Variants in PBX3 observed in about 807,000 individuals in gnomAD.
The protein encoded by PBX3 is pre-B-cell leukemia transcription factor 3.
PBX3 carries 14 observed loss-of-function variants against 48.5 expected under a neutral mutation model. That is an observed-to-expected ratio of 0.29 (90% CI 0.19 to 0.45). PBX3 has a LOEUF of 0.45. Among genes scored for constraint, PBX3 ranks in the 20% least tolerant of loss-of-function variants. The pLI is 1.00. For synonymous variants in PBX3, 210 were observed against 200.3 expected (o/e 1.05, Z -0.41); for missense variants, 386 against 546.7 (o/e 0.71, Z 2.93).
Position 125,938,965 on chromosome 9 carries a change from G to A in PBX3, c.843+3358G>A, listed in dbSNP as rs570120980. On this transcript the variant is annotated intron_variant, in intron 5 of 8. Coordinates refer to ENST00000373489, the MANE Select transcript of PBX3 (RefSeq NM_006195.6). ...CCTCAGATGTTCAGAAAAAAAAAAT[G>A]TGTGTTTGCATGTATATGTGTGTGT... is the stretch of plus-strand genomic sequence containing the variant. Among the ~76,000 whole-genome samples, 76 of 151,460 alleles carry A rather than the reference G, an allele frequency of 5.0e-4. 1 individual carries two copies. In the South Asian group the frequency reaches 0.015, roughly 31 times the overall value.
At chr9:125,752,774 A>C (rs946391438) in intron 2 of PBX3, among the ~76,000 whole-genome samples, 3 of 152,180 alleles carry the variant, frequency 2.0e-5, no homozygotes, top group Admixed American at 2.0e-4. Context: ...GAAAATTGTT[A>C]TATATTAGTC....
At chr9:125,774,455 C>T (rs994634600) in intron 2 of PBX3, among the ~76,000 whole-genome samples, 6 of 152,164 alleles carry the variant, frequency 3.9e-5, no homozygotes, top group Admixed American at 1.3e-4. Flanking sequence ...TCTATCTCTA[C>T]GGATTTACCT....
At chr9:125,879,465 A>G (rs754625293) in intron 2 of PBX3, among the ~76,000 whole-genome samples, 1 of 152,186 alleles carries the variant, frequency 6.6e-6, no homozygotes, top group Non-Finnish European at 1.5e-5. Context: ...GTCTTTTTTC[A>G]TTCCAAAATC....
At chr9:125,799,287 C>T (rs140646202) in intron 2 of PBX3, among the ~76,000 whole-genome samples, 14 of 152,210 alleles carry the variant, frequency 9.2e-5, no homozygotes, top group South Asian at 4.1e-4. Flanking sequence ...CCAAGGTGGG[C>T]GGATCATGTG....
intron 2 of PBX3, among the ~76,000 whole-genome samples, chr9:125,899,976 C>A (rs1840902930): frequency 1.3e-5 from 2 of 151,416 alleles, no homozygotes; most frequent in African/African-American, 4.8e-5. Context: ...TGGGAGATAA[C>A]CCAAGGCAAA....
At chr9:125,913,857 G>A (rs1841262350) in intron 2 of PBX3, among the ~76,000 whole-genome samples, 1 of 152,068 alleles carries the variant, frequency 6.6e-6, no homozygotes, top group Admixed American at 6.5e-5. Context: ...AGTTGAAAAT[G>A]GAGAAACTTG....
chr9:125,853,815 A>G (rs1355143128), intron 2 of PBX3, among the ~76,000 whole-genome samples: 1 of 152,214 alleles, frequency 6.6e-6, no homozygotes, highest in Non-Finnish European at 1.5e-5. Context: ...AATTAACATG[A>G]ACACAATTTA....
In PBX3 at chr9:125,816,109, A is replaced by T. The variant is rs181729516; in HGVS notation, c.274+67486A>T. The stretch of plus-strand genomic sequence containing the variant: ...AGCCCCGACTGCCCGGGCTCAGGTG[A>T]TTCTCCCACCTCAGCCTCAGGCGAG... On this transcript the variant is annotated intron_variant, in intron 2 of 8. Transcript: ENST00000373489. Among the ~76,000 whole-genome samples, 8 of 151,994 alleles carry T rather than the reference A, an allele frequency of 5.3e-5. No individual in the cohort carries two copies. In the East Asian group the frequency reaches 1.4e-3, roughly 26 times the overall value.
chr9:125,946,193 C>T (rs924192151), intron 5 of PBX3, among the ~76,000 whole-genome samples: 9 of 152,112 alleles, frequency 5.9e-5, no homozygotes, highest in Admixed American at 2.0e-4. Flanking sequence ...TACCTTATTC[C>T]TTGACATTGG....
At chr9:125,837,538 A>G (rs1171551378) in intron 2 of PBX3, among the ~76,000 whole-genome samples, 1 of 151,984 alleles carries the variant, frequency 6.6e-6, no homozygotes, top group Non-Finnish European at 1.5e-5. Context: ...GAACTATGTA[A>G]CCCTATATTT....
intron 2 of PBX3, among the ~76,000 whole-genome samples, chr9:125,823,803 C>T (rs974589449): frequency 2.0e-5 from 3 of 152,096 alleles, no homozygotes; most frequent in African/African-American, 2.4e-5. Context: ...AGGCTGGGCG[C>T]GGTGGCTCAT....
Position 125,966,565 on chromosome 9 carries a change from G to T in PBX3, c.*642G>T, listed in dbSNP as rs754736475. 6.5e-6 allele frequency: 1 copy of T among 152,674 alleles called. No homozygotes were observed. Among genetic ancestry groups the T allele is most frequent in the Admixed American group, 6.5e-5 (1 of 15,270 alleles). The allele number at this position is 152,674 out of a possible 1,614,324, so 9.5% of individuals were successfully genotyped here. Reference sequence around the variant, plus strand: ...TAAAATTATGGATCCAGATTGTTCTGAGAGACGAAGATACTTGCTGCTGAT... The same window carrying T: ...TAAAATTATGGATCCAGATTGTTCTTAGAGACGAAGATACTTGCTGCTGAT... On this transcript the variant is annotated 3_prime_UTR_variant, in exon 9 of 9. Coordinates refer to ENST00000373489, the MANE Select transcript of PBX3 (RefSeq NM_006195.6).
At chr9:125,911,719 T>G (rs1462658602) in intron 2 of PBX3, among the ~76,000 whole-genome samples, 1 of 152,036 alleles carries the variant, frequency 6.6e-6, no homozygotes, top group Non-Finnish European at 1.5e-5. Flanking sequence ...GGCCTAAGCT[T>G]ATGAATAATT....
chr9:125,748,109 G>A, intron 1 of PBX3: 1 of 396,478 alleles, frequency 2.5e-6, no homozygotes, highest in Non-Finnish European at 3.4e-6. Context: ...GCGGGTCCGG[G>A]TGCGGACGGC....
At chr9:125,931,951 A>G (rs1841726625) in intron 4 of PBX3, among the ~76,000 whole-genome samples, 1 of 152,314 alleles carries the variant, frequency 6.6e-6, no homozygotes, top group African/African-American at 2.4e-5. Flanking sequence ...AATTCTTAGA[A>G]ATGGAATTAT....
chr9:125,893,173 T>C lies in PBX3; in HGVS notation c.275-22513T>C, dbSNP rs957375837. ...TTATTTTAGAGAGGAAAAGCAGTAA[T>C]AATTAATATCAGTCTATACCAATAG... On this transcript the variant is annotated intron_variant, in intron 2 of 8. Coordinates refer to ENST00000373489, the MANE Select transcript of PBX3 (RefSeq NM_006195.6). 2.0e-5 allele frequency among the ~76,000 whole-genome samples: 3 copies of C among 152,324 alleles called. No individual in the cohort carries two copies. In the East Asian group the frequency reaches 5.8e-4, roughly 29 times the overall value.
chr9:125,931,376 C>A (rs1841710380), intron 4 of PBX3, among the ~76,000 whole-genome samples: 1 of 152,172 alleles, frequency 6.6e-6, no homozygotes, highest in South Asian at 2.1e-4. Context: ...TATCATGGCT[C>A]ACTGCAGCCT....
intron 3 of PBX3, among the ~76,000 whole-genome samples, chr9:125,929,389 G>C (rs1430278114): frequency 6.6e-6 from 1 of 152,172 alleles, no homozygotes; most frequent in Non-Finnish European, 1.5e-5. Context: ...CCTCGAATGG[G>C]AAAACATCAT....
At chr9:125,882,349 A>G (rs1242887248) in intron 2 of PBX3, among the ~76,000 whole-genome samples, 1 of 144,218 alleles carries the variant, frequency 6.9e-6, no homozygotes, top group Non-Finnish European at 1.5e-5. Flanking sequence ...ACAGAGAAAG[A>G]CTTGTGTCTC....
Sources: gnomAD v4.1 joint callset for allele counts (sites outside exome capture counted in the v4.1 genomes callset) on GRCh38, gnomAD v4.1.1 for gene constraint, MANE v1.5 for transcripts, NCBI Gene and HGNC (gene_info 2026-07-23, HGNC 2026-07-21) for gene names.